Variants in PTPRF observed in about 807,000 individuals in gnomAD.
PTPRF encodes the protein receptor-type tyrosine-protein phosphatase F.
PTPRF carries 59 observed loss-of-function variants against 201.8 expected under a neutral mutation model. That is an observed-to-expected ratio of 0.29 (90% CI 0.24 to 0.36). The LOEUF (loss-of-function observed/expected upper bound fraction) is 0.36, where lower values mean the gene tolerates loss of function less well. Ranked by LOEUF, PTPRF falls within the 10% of genes least tolerant of loss-of-function variation. PTPRF has a pLI of 1.00. For synonymous variants in PTPRF, 1,088 were observed against 1,089.7 expected (o/e 1.00, Z 0.03); for missense variants, 2,132 against 2,690.5 (o/e 0.79, Z 4.59).
At chr1:43,566,621 G>A (rs1379709453) in intron 5 of PTPRF, among the ~76,000 whole-genome samples, 1 of 152,236 alleles carries the variant, frequency 6.6e-6, no homozygotes, top group Non-Finnish European at 1.5e-5. Context: ...CGCATGGTGG[G>A]CGTCAGGAAA....
At chr1:43,579,489 A>G in intron 7 of PTPRF, 1 of 335,712 alleles carries the variant, frequency 3.0e-6, no homozygotes, top group Non-Finnish European at 5.8e-6. Context: ...CCCTGTGGTT[A>G]TGTTGCCTCG....
chr1:43,571,730 T>C (rs1646586134), intron 6 of PTPRF, among the ~76,000 whole-genome samples: 1 of 152,204 alleles, frequency 6.6e-6, no homozygotes, highest in Non-Finnish European at 1.5e-5. Flanking sequence ...GGTTTGCTGC[T>C]CATACCTTCC....
Position 43,578,794 on chromosome 1 carries a change from CT to C in PTPRF, c.569-14del. On this transcript the variant is annotated splice_polypyrimidine_tract_variant and intron_variant, in intron 6 of 33. Transcript: ENST00000359947. ...GACATGGGCCGTGCCTGACCTCTCG[CT>C]TCGTGTACCCACAGGTGCCTTGCAG... The C allele has an allele frequency of 6.2e-7, 1 of 1,603,836 alleles. No homozygotes were observed. The highest frequency in any genetic ancestry group is 8.5e-7 in the Non-Finnish European group (1 of 1,172,156).
At chr1:43,525,596 A>G (rs369398189), upstream of PTPRF, among the ~76,000 whole-genome samples, 1 of 152,028 alleles carries the variant, frequency 6.6e-6, no homozygotes, top group East Asian at 1.9e-4. Context: ...TGAGGTCAGG[A>G]GTTCAAGACC....
Position 43,622,708 on chromosome 1 carries a change from G to C in PTPRF, c.*705G>C, listed in dbSNP as rs1003514222. The C allele has an allele frequency of 5.2e-5, 8 of 152,670 alleles. No individual in the cohort carries two copies. The highest frequency in any genetic ancestry group is 1.9e-4 in the African/African-American group (8 of 41,512). The allele number at this position is 152,670 out of a possible 1,614,324, so 9.5% of individuals were successfully genotyped here. A position where few individuals can be genotyped will look rare whatever the true frequency, so the allele number is the denominator to read the frequency against. On this transcript the variant is annotated 3_prime_UTR_variant, in exon 34 of 34. Transcript: ENST00000359947. ...TTTTAGGCCACATTGACAGTGGTGG[G>C]CGGGGAGAAGATAGGGAACACTCAT...
chr1:43,553,216 TACC>T lies in PTPRF; in HGVS notation c.92-273_92-271del, dbSNP rs1458661468. On this transcript the variant is annotated intron_variant, in intron 3 of 33. Transcript: ENST00000359947. This position sits in a 1 kb window ranked among gnomAD's most constrained non-coding sequence, Gnocchi z 4.1. Reference sequence around the variant, plus strand: ...AACACCTGGGTTCAGATCTTAGCTCTACCACTTACCAGCTGTGTCATATGGGAC... The same window carrying T: ...AACACCTGGGTTCAGATCTTAGCTCTACTTACCAGCTGTGTCATATGGGAC... 6.6e-6 allele frequency among the ~76,000 whole-genome samples: 1 copy of T among 152,208 alleles called. No individual in the cohort carries two copies. The highest frequency in any genetic ancestry group is 1.5e-5 in the Non-Finnish European group (1 of 68,030).
At position 43,605,249 on chromosome 1, in the gene PTPRF, A is replaced by C; in HGVS notation, c.3195A>C (p.Ala1065=). 6.2e-7 allele frequency: 1 copy of C among 1,610,290 alleles called. No homozygotes were observed. Among genetic ancestry groups the C allele is most frequent in the East Asian group, 2.2e-5 (1 of 44,750 alleles). Residue 1065 remains alanine, a synonymous_variant, in exon 18 of 34, where the codon GCA becomes GCC. Coordinates refer to ENST00000359947, the MANE Select transcript of PTPRF (RefSeq NM_002840.5). ...GGCACTCGATGCGGAAGCTGATCGC[A>C]GACCTGCAGCCCAACACAGAGTACT... ...VDGHSMRKLI[A]DLQPNTEYSF...
At chr1:43,540,938 G>A (rs2153958558) in intron 2 of PTPRF, among the ~76,000 whole-genome samples, 1 of 152,388 alleles carries the variant, frequency 6.6e-6, no homozygotes, top group Admixed American at 6.5e-5. Flanking sequence ...AACAAGGCCT[G>A]TTTCCGCCTC....
intron 7 of PTPRF, among the ~76,000 whole-genome samples, chr1:43,583,273 C>T (rs913969363): frequency 1.3e-5 from 2 of 152,164 alleles, no homozygotes; most frequent in South Asian, 2.1e-4. Context: ...GACCCCTGAC[C>T]TGCATGTTCC....
Position 43,530,891 on chromosome 1 carries a change from C to T in PTPRF, c.-325C>T, listed in dbSNP as rs1481250275. 1.3e-5 allele frequency: 2 copies of T among 152,196 alleles called. No individual in the cohort carries two copies. The highest frequency in any genetic ancestry group is 3.8e-4 in the East Asian group (2 of 5,242). The allele number at this position is 152,196 out of a possible 1,614,324, so 9.4% of individuals were successfully genotyped here. A position where few individuals can be genotyped will look rare whatever the true frequency, so the allele number is the denominator to read the frequency against. ...GGAGCTGGCGCGGGAGCGGCGGGAG[C>T]GGTGGCGGCGGCAGAGGCGGCGGCT... is the stretch of plus-strand genomic sequence containing the variant. On this transcript the variant is annotated 5_prime_UTR_variant, in exon 1 of 34. Transcript: ENST00000359947. The surrounding 1 kb of genome is among the most constrained non-coding windows in gnomAD (Gnocchi z 4.1).
At chr1:43,587,214 G>A (rs1183618513) in intron 7 of PTPRF, among the ~76,000 whole-genome samples, 1 of 152,202 alleles carries the variant, frequency 6.6e-6, no homozygotes, top group Admixed American at 6.5e-5. Context: ...GTTAAACAGG[G>A]AGTGGCATCA....
Position 43,603,689 on chromosome 1 carries a change from T to G in PTPRF, c.2537T>G (p.Leu846Arg). ...ALLQWHPPKELPGELLGYRLQ... is the reference protein window; with the variant it reads ...ALLQWHPPKERPGELLGYRLQ... ...CTCCAGTGGCACCCACCCAAGGAAC[T>G]GCCTGGCGAGCTGCTGGGCTACCGG... The change falls in exon 16 of 34, where the codon CTG becomes CGG. Residue 846 changes from leucine to arginine, a missense_variant. Transcript: ENST00000359947. The surrounding 1 kb of genome is among the most constrained non-coding windows in gnomAD (Gnocchi z 5.8). 3 of 1,613,696 alleles carry G rather than the reference T, an allele frequency of 1.9e-6. No individual in the cohort carries two copies. Among genetic ancestry groups the G allele is most frequent in the Non-Finnish European group, 2.5e-6 (3 of 1,180,010 alleles).
rs933720518 is a variant in PTPRF at position 43,621,006 on chromosome 1, C to A, written c.5519+14C>A. The A allele has an allele frequency of 2.5e-6, 4 of 1,611,744 alleles. No homozygotes were observed. Among genetic ancestry groups the A allele is most frequent in the East Asian group, 2.2e-5 (1 of 44,848 alleles). On this transcript the variant is annotated intron_variant, in intron 32 of 33. Coordinates refer to ENST00000359947, the MANE Select transcript of PTPRF (RefSeq NM_002840.5). ...GGTGCACTGCAGGTGGGACTGGCCCCCTGGAGGGCTGGGGTGGGTGGGCCT... is the reference window on the plus strand; with the variant it reads ...GGTGCACTGCAGGTGGGACTGGCCCACTGGAGGGCTGGGGTGGGTGGGCCT...
At chr1:43,586,395 C>T (rs148819323) in intron 7 of PTPRF, among the ~76,000 whole-genome samples, 4 of 152,244 alleles carry the variant, frequency 2.6e-5, no homozygotes, top group African/African-American at 7.2e-5. Flanking sequence ...GCATGCACCG[C>T]TGGGCTGGGT....
intron 5 of PTPRF, among the ~76,000 whole-genome samples, chr1:43,556,938 G>T (rs929645106): frequency 6.6e-6 from 1 of 152,242 alleles, no homozygotes; most frequent in Non-Finnish European, 1.5e-5. Flanking sequence ...GGAACTCAGA[G>T]AACAGGCCCT....
At chr1:43,621,625 T>G in intron 33 of PTPRF, among the ~76,000 whole-genome samples, 1 of 152,146 alleles carries the variant, frequency 6.6e-6, no homozygotes, top group East Asian at 1.9e-4. Context: ...TGAGCCCCAG[T>G]GGTGTGCCTG....
At chr1:43,584,640 G>A (rs556069015) in intron 7 of PTPRF, among the ~76,000 whole-genome samples, 4 of 152,276 alleles carry the variant, frequency 2.6e-5, no homozygotes, top group African/African-American at 9.6e-5. Context: ...ATTCCAGGGG[G>A]ATTTGCCGGG....
At chr1:43,570,644 C>T (rs1195634286) in intron 6 of PTPRF, among the ~76,000 whole-genome samples, 1 of 152,236 alleles carries the variant, frequency 6.6e-6, no homozygotes, top group Non-Finnish European at 1.5e-5. Flanking sequence ...CAGAGGTGCC[C>T]TCCCACTCCC....
chr1:43,587,862 G>C (rs757741402), intron 7 of PTPRF, among the ~76,000 whole-genome samples: 4 of 152,198 alleles, frequency 2.6e-5, no homozygotes, highest in Non-Finnish European at 5.9e-5. Context: ...AACTTCGGGG[G>C]CGGGTGGTTC....
Sources: gnomAD v4.1 joint callset for allele counts (sites outside exome capture counted in the v4.1 genomes callset) on GRCh38, gnomAD v4.1.1 for gene constraint, Gnocchi (gnomAD v3.1) non-coding constraint, MANE v1.5 for transcripts, NCBI Gene and HGNC (gene_info 2026-07-23, HGNC 2026-07-21) for gene names.